Variants in ST8SIA1 observed in about 807,000 individuals in gnomAD.
ST8SIA1 encodes alpha-N-acetylneuraminide alpha-2,8-sialyltransferase.
A neutral mutation model predicts 35.9 loss-of-function variants in ST8SIA1; 16 were observed. That is an observed-to-expected ratio of 0.45 (90% CI 0.30 to 0.68). ST8SIA1 has a LOEUF of 0.68. Ranked by LOEUF, ST8SIA1 falls within the 30% of genes least tolerant of loss-of-function variation. The pLI, the probability that ST8SIA1 is intolerant of heterozygous loss-of-function variation, is 0.09. For synonymous variants in ST8SIA1, 170 were observed against 169.6 expected (o/e 1.00, Z -0.02); for missense variants, 383 against 453.6 (o/e 0.84, Z 1.41).
intron 4 of ST8SIA1, among the ~76,000 whole-genome samples, chr12:22,239,478 T>C (rs75500056): frequency 0.055 from 8,360 of 152,276 alleles, 800 homozygotes; most frequent in African/African-American, 0.19. Flanking sequence ...TCAACAATTA[T>C]ATTTTTCATT....
intron 4 of ST8SIA1, among the ~76,000 whole-genome samples, chr12:22,241,150 T>C (rs925596600): frequency 3.9e-5 from 6 of 152,030 alleles, no homozygotes; most frequent in Non-Finnish European, 4.4e-5. Flanking sequence ...CATGCCACCA[T>C]GCCCAGCCAA....
intron 1 of ST8SIA1, among the ~76,000 whole-genome samples, chr12:22,308,205 AC>A (rs1370596681): frequency 2.0e-5 from 3 of 152,346 alleles, no homozygotes; most frequent in African/African-American, 7.2e-5. Flanking sequence ...AGTGTCATGA[AC>A]ATGTTTTATC....
At chr12:22,332,264 A>T (rs542299144) in intron 1 of ST8SIA1, among the ~76,000 whole-genome samples, 79 of 152,316 alleles carry the variant, frequency 5.2e-4, no homozygotes, top group African/African-American at 1.8e-3. Flanking sequence ...ACACACTGAA[A>T]ATTACTCCAG....
intron 4 of ST8SIA1, among the ~76,000 whole-genome samples, chr12:22,241,882 C>G (rs541031636): frequency 2.0e-5 from 3 of 152,068 alleles, no homozygotes; most frequent in South Asian, 2.1e-4. Flanking sequence ...TCCTCCCCCC[C>G]ATAAACTTCC....
chr12:22,281,646 T>G (rs1411858448), intron 2 of ST8SIA1, among the ~76,000 whole-genome samples: 1 of 152,076 alleles, frequency 6.6e-6, no homozygotes, highest in Non-Finnish European at 1.5e-5. Flanking sequence ...GGATTCCATA[T>G]CCTGTATAGC....
At chr12:22,248,896 G>C in intron 4 of ST8SIA1, 110 bp downstream of exon 4, 1 of 712,348 alleles carries the variant, frequency 1.4e-6, no homozygotes, top group Non-Finnish European at 2.4e-6. Context: ...CTGTCCAGAT[G>C]GTTTTCCTCT....
intron 4 of ST8SIA1, among the ~76,000 whole-genome samples, chr12:22,227,644 A>T (rs765330073): frequency 1.2e-4 from 19 of 152,272 alleles, no homozygotes; most frequent in Non-Finnish European, 2.5e-4. Flanking sequence ...TTTTTCTATT[A>T]TTTCTCTTAA....
At chr12:22,285,871 C>CAAAAACAAACAAAAAAAA (rs1866092647) in intron 2 of ST8SIA1, among the ~76,000 whole-genome samples, 6 of 94,946 alleles carry the variant, frequency 6.3e-5, no homozygotes, top group African/African-American at 2.7e-4. Flanking sequence ...AAGACTCTGT[C>CAAAAACAAACAAAAAAAA]AAAAACAAAA....
At chr12:22,221,603 T>C (rs561971432) in intron 4 of ST8SIA1, among the ~76,000 whole-genome samples, 3 of 152,318 alleles carry the variant, frequency 2.0e-5, no homozygotes, top group South Asian at 4.1e-4. Context: ...CTTTAAATCA[T>C]GTGCTGCAAA....
In ST8SIA1 at chr12:22,202,016, T is replaced by C. The variant is rs1418776698; in HGVS notation, c.607A>G (p.Arg203Gly). 6.2e-7 allele frequency: 1 copy of C among 1,608,862 alleles called. No individual in the cohort carries two copies. The highest frequency in any genetic ancestry group is 8.5e-7 in the Non-Finnish European group (1 of 1,178,552). The change falls in exon 5 of 5, where the codon AGA (arginine) becomes GGA (glycine). Residue 203 changes from arginine (R) to glycine (G), a missense_variant. Arg to Gly is a moderately radical substitution (Grantham distance 125, BLOSUM62 -2). Coordinates refer to ENST00000396037, the MANE Select transcript of ST8SIA1 (RefSeq NM_003034.4). ...RQRFQNLLWS[R>G]KTFVDNMKIY... ...TTCATGTTGTCCACAAATGTCTTTCTGGACCACAGAAGGTTCTGAAACCTA... is the reference window on the plus strand; with the variant it reads ...TTCATGTTGTCCACAAATGTCTTTCCGGACCACAGAAGGTTCTGAAACCTA...
chr12:22,287,221 C>T lies in ST8SIA1; in HGVS notation c.309G>A (p.Lys103=). The T allele has an allele frequency of 6.2e-7, 1 of 1,613,906 alleles. No individual in the cohort carries two copies. Among genetic ancestry groups the T allele is most frequent in the Non-Finnish European group, 8.5e-7 (1 of 1,179,794 alleles). The change falls in exon 2 of 5, where the codon AAG becomes AAA. Residue 103 remains lysine, a synonymous_variant. Coordinates refer to ENST00000396037, the MANE Select transcript of ST8SIA1 (RefSeq NM_003034.4). ...AAAACTCCCCGTCATACCACATGCTCTTCCCCATAGGGGAATTCATTTTAG... is the reference window on the plus strand; with the variant it reads ...AAAACTCCCCGTCATACCACATGCTTTTCCCCATAGGGGAATTCATTTTAG... ...AMTKMNSPMG[K]SMWYDGEFLY...
chr12:22,309,271 A>G (rs1011731536), intron 1 of ST8SIA1, among the ~76,000 whole-genome samples: 3 of 152,138 alleles, frequency 2.0e-5, no homozygotes, highest in Non-Finnish European at 4.4e-5. Context: ...CTAAAGAGAA[A>G]CCGGCCCTTT....
At chr12:22,271,044 C>T (rs75105909) in intron 2 of ST8SIA1, among the ~76,000 whole-genome samples, 10 of 152,290 alleles carry the variant, frequency 6.6e-5, no homozygotes, top group African/African-American at 2.4e-4. Flanking sequence ...AGGTAGTTTA[C>T]GTCTGCAGTT....
chr12:22,323,897 T>C (rs1462070048), intron 1 of ST8SIA1, among the ~76,000 whole-genome samples: 1 of 152,124 alleles, frequency 6.6e-6, no homozygotes, highest in African/African-American at 2.4e-5. Flanking sequence ...AGCTAACGAA[T>C]GCTGGGCTTA....
rs749769306 is a variant in ST8SIA1, at chr12:22,311,312, G to T, written c.236+22685C>A. 4.1e-4 allele frequency among the ~76,000 whole-genome samples: 63 copies of T among 152,214 alleles called. 1 individual carries two copies. Among genetic ancestry groups the T allele is most frequent in the Non-Finnish European group, 6.0e-4 (41 of 67,998 alleles). ...GAGGACACACAGACTGCCACCTAGA[G>T]AGATAATTGGAAGGGTGGGTGGGGT... On this transcript the variant is annotated intron_variant, in intron 1 of 4. Coordinates refer to ENST00000396037, the MANE Select transcript of ST8SIA1 (RefSeq NM_003034.4).
intron 4 of ST8SIA1, among the ~76,000 whole-genome samples, chr12:22,203,217 G>T (rs537352008): frequency 6.6e-6 from 1 of 152,210 alleles, no homozygotes; most frequent in South Asian, 2.1e-4. Context: ...GAGAGGGAGA[G>T]AGAAGGGTAG....
intron 2 of ST8SIA1, among the ~76,000 whole-genome samples, chr12:22,276,755 T>C (rs140384322): frequency 6.6e-6 from 1 of 152,126 alleles, no homozygotes; most frequent in African/African-American, 2.4e-5. Context: ...ATTTTTCTTG[T>C]AGATTTTATT....
chr12:22,238,163 TC>T (rs5796956), intron 4 of ST8SIA1, among the ~76,000 whole-genome samples: 50,901 of 151,600 alleles, frequency 0.34, 9,322 homozygotes, highest in East Asian at 0.54. Context: ...ACTTGAGAAC[TC>T]CCCCCCCAAC....
At chr12:22,219,569 G>T (rs572938576) in intron 4 of ST8SIA1, among the ~76,000 whole-genome samples, 1 of 152,094 alleles carries the variant, frequency 6.6e-6, no homozygotes, top group Non-Finnish European at 1.5e-5. Context: ...TAGGTGACCC[G>T]GCAGGTTGAT....
Sources: gnomAD v4.1 joint callset for allele counts (sites outside exome capture counted in the v4.1 genomes callset) on GRCh38, gnomAD v4.1.1 for gene constraint, MANE v1.5 for transcripts, NCBI Gene and HGNC (gene_info 2026-07-23, HGNC 2026-07-21) for gene names.